The following SLC24A3 variants were observed in gnomAD, a reference collection of about 807,000 sequenced individuals.
SLC24A3 encodes the protein sodium/potassium/calcium exchanger 3.
In SLC24A3, 28 loss-of-function variants were observed where a neutral mutation model predicts 75.8. The observed-to-expected ratio is 0.37, with a 90% CI of 0.27 to 0.51. The LOEUF is 0.51. SLC24A3 is among the 20% of genes least tolerant of loss of function. SLC24A3 has a pLI of 0.94. For synonymous variants in SLC24A3, 372 were observed against 334.1 expected (o/e 1.11, Z -1.24); for missense variants, 663 against 847.8 (o/e 0.78, Z 2.71).
chr20:19,350,204 T>C lies in SLC24A3; in HGVS notation c.271+69117T>C, dbSNP rs528306173. On this transcript the variant is annotated intron_variant, in intron 2 of 16. Coordinates refer to ENST00000328041, the MANE Select transcript of SLC24A3 (RefSeq NM_020689.4). ...TGAATAATGGGAAATAACTTTTTTATGTGATATTTCATTTTGTTCTGTAGT... is the reference window on the plus strand; with the variant it reads ...TGAATAATGGGAAATAACTTTTTTACGTGATATTTCATTTTGTTCTGTAGT... Among the ~76,000 whole-genome samples, 3 of 152,372 alleles carry C rather than the reference T, an allele frequency of 2.0e-5. No homozygotes were observed. The East Asian group carries it at 5.8e-4, about 29-fold the overall frequency.
chr20:19,559,723 T>C (rs2030844086), intron 3 of SLC24A3, among the ~76,000 whole-genome samples: 1 of 152,154 alleles, frequency 6.6e-6, no homozygotes, highest in Admixed American at 6.5e-5. Flanking sequence ...CTGAGAATCA[T>C]TAATTACATA....
chr20:19,492,242 G>A (rs1020188966), intron 2 of SLC24A3, among the ~76,000 whole-genome samples: 1 of 152,154 alleles, frequency 6.6e-6, no homozygotes, highest in Admixed American at 6.5e-5. Context: ...AGAGTACTCA[G>A]GACAACATTG....
chr20:19,242,083 A>G (rs554157060), intron 1 of SLC24A3, among the ~76,000 whole-genome samples: 11 of 152,172 alleles, frequency 7.2e-5, no homozygotes, highest in Middle Eastern at 3.4e-3. Context: ...GATCTCCATC[A>G]TGGACTCTCA....
chr20:19,697,705 A>G (rs1469949213), intron 14 of SLC24A3: 1 of 152,314 alleles, frequency 6.6e-6, no homozygotes, highest in Non-Finnish European at 1.5e-5. Context: ...TCAGTGTCCC[A>G]TAGACATCCT....
intron 1 of SLC24A3, among the ~76,000 whole-genome samples, chr20:19,255,784 G>A (rs1198288363): frequency 6.6e-6 from 1 of 152,112 alleles, no homozygotes; most frequent in East Asian, 1.9e-4. Context: ...GTACAAAAAA[G>A]AATGAAAAAT....
intron 12 of SLC24A3, among the ~76,000 whole-genome samples, chr20:19,690,030 C>CAAAAAAAAA (rs538406361): frequency 2.3e-5 from 2 of 87,812 alleles, no homozygotes; most frequent in South Asian, 4.9e-4. Flanking sequence ...GACTCTGTCT[C>CAAAAAAAAA]AAAAAAAAAA....
intron 15 of SLC24A3, among the ~76,000 whole-genome samples, chr20:19,704,863 G>A (rs965040037): frequency 1.3e-5 from 2 of 152,142 alleles, no homozygotes; most frequent in Non-Finnish European, 1.5e-5. Flanking sequence ...ACTGGTCACA[G>A]GGCTCAGGTT....
chr20:19,393,189 C>T (rs1464241559), intron 2 of SLC24A3, among the ~76,000 whole-genome samples: 2 of 152,100 alleles, frequency 1.3e-5, no homozygotes, highest in African/African-American at 4.8e-5. Flanking sequence ...ATCACTGATA[C>T]CCATAGCCTG....
chr20:19,683,731 A>G lies in SLC24A3; in HGVS notation c.902-445A>G, dbSNP rs1212036507. On this transcript the variant is annotated intron_variant, in intron 10 of 16. Coordinates refer to ENST00000328041, the MANE Select transcript of SLC24A3 (RefSeq NM_020689.4). The stretch of plus-strand genomic sequence containing the variant: ...CTGAATGGTGGGAAAAGAATCCTTT[A>G]AGGACAAGGAGGAATTCTCTTATGG... Among the ~76,000 whole-genome samples, 3 of 152,362 alleles carry G rather than the reference A, an allele frequency of 2.0e-5. No individual in the cohort carries two copies. The South Asian group carries it at 6.2e-4, about 32-fold the overall frequency.
rs528722768 is a variant in SLC24A3 at position 19,245,350 on chromosome 20, A to T, written c.142+32366A>T. Among the ~76,000 whole-genome samples, 188 of 152,326 alleles carry T rather than the reference A, an allele frequency of 1.2e-3. 1 individual carries two copies. The highest frequency in any genetic ancestry group is 4.2e-3 in the African/African-American group (176 of 41,568). ...GTAGAAATGAACTCTAAATAACTTC[A>T]AATAATAATATTCATGAATATTTAT... On this transcript the variant is annotated intron_variant, in intron 1 of 16. Coordinates refer to ENST00000328041, the MANE Select transcript of SLC24A3 (RefSeq NM_020689.4).
chr20:19,581,478 A>G (rs1199376273), intron 4 of SLC24A3, among the ~76,000 whole-genome samples: 1 of 152,136 alleles, frequency 6.6e-6, no homozygotes, highest in Non-Finnish European at 1.5e-5. Context: ...GGGAGAGGCA[A>G]TCAAAGAGCC....
At chr20:19,649,341 A>G (rs1305396866) in intron 6 of SLC24A3, among the ~76,000 whole-genome samples, 1 of 152,250 alleles carries the variant, frequency 6.6e-6, no homozygotes, top group Non-Finnish European at 1.5e-5. Flanking sequence ...ACAGTGAAAC[A>G]TTCAACCACC....
intron 1 of SLC24A3, among the ~76,000 whole-genome samples, chr20:19,237,796 C>A (rs1982209605): frequency 6.6e-6 from 1 of 152,172 alleles, no homozygotes; most frequent in South Asian, 2.1e-4. Context: ...TCCTTCTCAT[C>A]AAATCCCAGC....
At chr20:19,396,234 A>T (rs1986451312) in intron 2 of SLC24A3, among the ~76,000 whole-genome samples, 1 of 152,238 alleles carries the variant, frequency 6.6e-6, no homozygotes, top group Admixed American at 6.5e-5. Context: ...TAGACCAAGC[A>T]ATGAGTATAC....
intron 6 of SLC24A3, among the ~76,000 whole-genome samples, chr20:19,648,349 C>T (rs1448874558): frequency 6.6e-6 from 1 of 152,138 alleles, no homozygotes; most frequent in Non-Finnish European, 1.5e-5. Context: ...TTCTCAAATC[C>T]CTTTTCCATG....
chr20:19,618,201 A>C (rs1414720156), intron 6 of SLC24A3, among the ~76,000 whole-genome samples: 1 of 152,294 alleles, frequency 6.6e-6, no homozygotes, highest in Non-Finnish European at 1.5e-5. Flanking sequence ...CAGGCTGTCT[A>C]CATCCAGGTT....
chr20:19,566,799 C>T (rs941284161), intron 3 of SLC24A3, among the ~76,000 whole-genome samples: 4 of 152,220 alleles, frequency 2.6e-5, no homozygotes, highest in Non-Finnish European at 4.4e-5. Context: ...GCTTCTCCAT[C>T]ATGCTTGGCA....
At chr20:19,329,154 G>T (rs894674292) in intron 2 of SLC24A3, among the ~76,000 whole-genome samples, 2 of 152,130 alleles carry the variant, frequency 1.3e-5, no homozygotes, top group Admixed American at 6.6e-5. Context: ...AAGCAAAGCA[G>T]ATTGATAACT....
At chr20:19,492,273 G>A (rs1346402203) in intron 2 of SLC24A3, among the ~76,000 whole-genome samples, 2 of 152,216 alleles carry the variant, frequency 1.3e-5, no homozygotes. Flanking sequence ...CCTGGGCTCT[G>A]GAGTCCAAGA....
Sources: allele counts gnomAD v4.1 joint callset (sites outside exome capture counted in the v4.1 genomes callset), GRCh38; gene constraint gnomAD v4.1.1; transcripts MANE v1.5; gene names NCBI Gene and HGNC (gene_info 2026-07-23, HGNC 2026-07-21).